Variants in SKOR1 observed in about 807,000 individuals in gnomAD.
SKOR1 encodes the protein LBX1 corepressor 1.
In SKOR1, 38 loss-of-function variants were observed where a neutral mutation model predicts 72.4. That is an observed-to-expected ratio of 0.52 (90% confidence interval 0.40 to 0.69). The LOEUF is 0.69. Among genes scored for constraint, SKOR1 ranks in the 30% least tolerant of loss-of-function variants. The probability of loss-of-function intolerance (pLI) is 0.00; values close to 1 mark genes in which losing one functional copy is unlikely to be tolerated. For missense variants in SKOR1, 1,320 were observed against 1,343.2 expected (o/e 0.98, Z 0.27); for synonymous variants, 642 against 599.4 (o/e 1.07, Z -1.04).
chr15:67,828,962 T>G (rs115373493), intron 2 of SKOR1, among the ~76,000 whole-genome samples: 1,565 of 152,326 alleles, frequency 0.01, 24 homozygotes, highest in African/African-American at 0.036. Flanking sequence ...AGCCGCTTTG[T>G]GTTTAGAGTA....
At chr15:67,828,168 AGTGGCGC>A in intron 2 of SKOR1, 24 bp downstream of exon 2, 3 of 1,420,058 alleles carry the variant, frequency 2.1e-6, no homozygotes, top group Non-Finnish European at 2.7e-6. Flanking sequence ...CCGCCCCGCC[AGTGGCGC>A]CTTCCCACCT....
chr15:67,833,801 G>A lies in SKOR1; in HGVS notation c.2863G>A (p.Gly955Ser). The change falls in exon 9 of 9, where the codon GGC becomes AGC. Residue 955 changes from glycine to serine, a missense_variant. Gly to Ser is a moderately conservative substitution (Grantham distance 56, BLOSUM62 0). Coordinates refer to ENST00000380035, the MANE Select transcript of SKOR1 (RefSeq NM_001365915.1). The surrounding 1 kb of genome is among the most constrained non-coding windows in gnomAD (Gnocchi z 6.0). ...GATGCTGACGCCCCGCCACTGCACT[G>A]GCAACTGCTCCTTCAAGCCACCGCT... ...CKMLTPRHCTGNCSFKPPLLP is the reference protein window; with the variant it reads ...CKMLTPRHCTSNCSFKPPLLP 6.2e-7 allele frequency: 1 copy of A among 1,612,688 alleles called. No homozygotes were observed. Among genetic ancestry groups the A allele is most frequent in the Non-Finnish European group, 8.5e-7 (1 of 1,180,034 alleles).
rs2091032558 is a variant in SKOR1 at position 67,834,481 on chromosome 15, T to C, written c.*645T>C. ...AAAGGGCGACAACTGACTCACGAGA[T>C]GGCAACCACCTGGAGCCTGTTTGGG... is the stretch of plus-strand genomic sequence containing the variant. On this transcript the variant is annotated 3_prime_UTR_variant, in exon 9 of 9. Coordinates refer to ENST00000380035, the MANE Select transcript of SKOR1 (RefSeq NM_001365915.1). The surrounding 1 kb of genome is among the most constrained non-coding windows in gnomAD (Gnocchi z 5.8). The C allele has an allele frequency of 6.5e-6, 1 of 153,042 alleles. No individual in the cohort carries two copies. Among genetic ancestry groups the C allele is most frequent in the Admixed American group, 6.5e-5 (1 of 15,442 alleles). The allele number at this position is 153,042 out of a possible 1,614,324, so 9.5% of individuals were successfully genotyped here. A position where few individuals can be genotyped will look rare whatever the true frequency, so the allele number is the denominator to read the frequency against.
chr15:67,827,441 G>C lies in SKOR1; in HGVS notation c.1613G>C (p.Gly538Ala). The stretch of plus-strand genomic sequence containing the variant: ...AGCGGTGCCCCAGAGCCCCTGGACG[G>C]TGCCGAGCCAGCCAAAGAGAGTGGC... ...AGSGAPEPLDGAEPAKESGLG... is the reference protein window; with the variant it reads ...AGSGAPEPLDAAEPAKESGLG... Residue 538 changes from glycine to alanine, a missense_variant, in exon 2 of 9, where the codon GGT (glycine) becomes GCT (alanine). Around this residue, in one of 3 missense-constraint regions of SKOR1, gnomAD observed 1,099 missense variants for 1,025.5 expected, o/e 1.07. Transcript: ENST00000380035. 1 of 1,523,592 alleles carries C rather than the reference G, an allele frequency of 6.6e-7. No homozygotes were observed. The highest frequency in any genetic ancestry group is 1.4e-5 in the African/African-American group (1 of 70,786). 94.4% of individuals were successfully genotyped at this position (1,523,592 alleles called of 1,614,324 possible).
chr15:67,825,577 G>A lies in SKOR1; in HGVS notation c.-26G>A. ...GGGTTGCCGAAGGCGCACGGATCTG[G>A]GCGCTGAAAAAGCCAGGATTTGGCA... On this transcript the variant is annotated 5_prime_UTR_variant, in exon 1 of 9. Coordinates refer to ENST00000380035, the MANE Select transcript of SKOR1 (RefSeq NM_001365915.1). This position sits in a 1 kb window ranked among gnomAD's most constrained non-coding sequence, Gnocchi z 5.6. 1 of 728,064 alleles carries A rather than the reference G, an allele frequency of 1.4e-6. No individual in the cohort carries two copies. The highest frequency in any genetic ancestry group is 2.6e-5 in the East Asian group (1 of 37,770). 45.1% of individuals were successfully genotyped at this position (728,064 alleles called of 1,614,324 possible).
intron 5 of SKOR1, among the ~76,000 whole-genome samples, chr15:67,831,437 C>CTT (rs1317230030): frequency 6.6e-6 from 1 of 152,196 alleles, no homozygotes; most frequent in Admixed American, 6.5e-5. Context: ...AAGGAGGAGA[C>CTT]TATGGCTTGG....
chr15:67,832,945 A>G lies in SKOR1; in HGVS notation c.2738-247A>G. The G allele has an allele frequency of 1.7e-6, 1 of 599,802 alleles. No individual in the cohort carries two copies. The highest frequency in any genetic ancestry group is 2.9e-6 in the Non-Finnish European group (1 of 339,420). The allele number at this position is 599,802 out of a possible 1,614,324, so 37.2% of individuals were successfully genotyped here. On this transcript the variant is annotated intron_variant, in intron 7 of 8. Transcript: ENST00000380035. This position sits in a 1 kb window ranked among gnomAD's most constrained non-coding sequence, Gnocchi z 4.5. ...TCTAAATTAAAAATCGAGGCGTAAA[A>G]TTACCTGGGAAGTAATGCCTAAGTT...
At position 67,833,197 on chromosome 15, in the gene SKOR1, C is replaced by T. The variant is rs1380677333; in HGVS notation, c.2743C>T (p.Leu915=). 2 of 1,613,988 alleles carry T rather than the reference C, an allele frequency of 1.2e-6. No individual in the cohort carries two copies. The highest frequency in any genetic ancestry group is 1.7e-6 in the Non-Finnish European group (2 of 1,180,022). Residue 915 remains leucine (L), a synonymous_variant, in exon 8 of 9, where the codon CTG becomes TTG. Transcript: ENST00000380035. This position sits in a 1 kb window ranked among gnomAD's most constrained non-coding sequence, Gnocchi z 6.0. ...VQQLQIVRDT[L]CNELDQERKA... is the part of the protein sequence containing the mutation. ...CCCCTCCCCTTGTCTTCCAGATACCCTGTGTAACGAACTCGACCAGGAGCG... is the reference window on the plus strand; with the variant it reads ...CCCCTCCCCTTGTCTTCCAGATACCTTGTGTAACGAACTCGACCAGGAGCG...
rs908008047 is a variant in SKOR1, at chr15:67,827,595, C to T, written c.1767C>T (p.Gly589=). Residue 589 remains glycine, a synonymous_variant, in exon 2 of 9, where the codon GGC becomes GGT. Coordinates refer to ENST00000380035, the MANE Select transcript of SKOR1 (RefSeq NM_001365915.1). ...PPPPPPPARK[G]SYVSAFRPVV... ...CGCCCCCGCCGCCCGCACGCAAAGGCTCCTACGTGTCGGCCTTCCGGCCGG... is the reference window on the plus strand; with the variant it reads ...CGCCCCCGCCGCCCGCACGCAAAGGTTCCTACGTGTCGGCCTTCCGGCCGG... 1.3e-6 allele frequency: 2 copies of T among 1,528,148 alleles called. No homozygotes were observed. The highest frequency in any genetic ancestry group is 1.2e-5 in the South Asian group (1 of 83,374). The allele number at this position is 1,528,148 out of a possible 1,614,324, so 94.7% of individuals were successfully genotyped here.
chr15:67,828,583 A>C (rs1031478194), intron 2 of SKOR1, among the ~76,000 whole-genome samples: 2 of 152,172 alleles, frequency 1.3e-5, no homozygotes, highest in Admixed American at 1.3e-4. Context: ...GTCGGGCCCC[A>C]GCAGTACCGG....
At chr15:67,830,098 A>C in intron 3 of SKOR1, 93 bp from the exon 4 acceptor site, 1 of 1,327,268 alleles carries the variant, frequency 7.5e-7, no homozygotes, top group Non-Finnish European at 1.1e-6. Context: ...GACGCTTTTA[A>C]TTAGGGCTGG....
At position 67,826,327 on chromosome 15, in the gene SKOR1, C is replaced by T. The variant is rs755945000; in HGVS notation, c.499C>T (p.Leu167=). The T allele has an allele frequency of 1.9e-6, 3 of 1,613,590 alleles. No homozygotes were observed. The highest frequency in any genetic ancestry group is 2.2e-5 in the South Asian group (2 of 91,082). The change falls in exon 2 of 9, where the codon CTG becomes TTG. Residue 167 remains leucine (L), a synonymous_variant. Coordinates refer to ENST00000380035, the MANE Select transcript of SKOR1 (RefSeq NM_001365915.1). ...GGCCGAACGCCTGTGCAAGTCGTTC[C>T]TGGGCGAGCACAAACCACCCAAGCT... The part of the protein sequence containing the change: ...REAERLCKSF[L]GEHKPPKLPE...
chr15:67,825,699 G>C lies in SKOR1; in HGVS notation c.97G>C (p.Ala33Pro), dbSNP rs1229235641. The C allele has an allele frequency of 1.3e-6, 1 of 750,776 alleles. No homozygotes were observed. Among genetic ancestry groups the C allele is most frequent in the East Asian group, 2.7e-5 (1 of 37,354 alleles). 46.5% of individuals were successfully genotyped at this position (750,776 alleles called of 1,614,324 possible). ...CGGGATTGGGTTCCTTGCAGCCCGG[G>C]CATTCCTGAGGTCTCCTTTACCCCT... ...ENGIGFLAAR[A>P]FLRSGGMEAL... Residue 33 changes from alanine (A) to proline (P), a missense_variant, in exon 1 of 9, where the codon GCA becomes CCA. Transcript: ENST00000380035. This position sits in a 1 kb window ranked among gnomAD's most constrained non-coding sequence, Gnocchi z 5.6.
At position 67,825,789 on chromosome 15, in the gene SKOR1, C is replaced by T; in HGVS notation, c.107+80C>T. 2 of 1,451,250 alleles carry T rather than the reference C, an allele frequency of 1.4e-6. No homozygotes were observed. Among genetic ancestry groups the T allele is most frequent in the Non-Finnish European group, 1.9e-6 (2 of 1,051,280 alleles). 89.9% of individuals were successfully genotyped at this position (1,451,250 alleles called of 1,614,324 possible). ...CAACATGGGTCTGAGTAACAAAAGA[C>T]GCCTGTCCAGGGGGTGAATGAGTTT... On this transcript the variant is annotated intron_variant, in intron 1 of 8. Transcript: ENST00000380035. The surrounding 1 kb of genome is among the most constrained non-coding windows in gnomAD (Gnocchi z 5.6).
chr15:67,829,718 C>T (rs116238433), intron 3 of SKOR1, among the ~76,000 whole-genome samples: 2,172 of 152,298 alleles, frequency 0.014, 53 homozygotes, highest in African/African-American at 0.05. Flanking sequence ...CCGCCCTGCA[C>T]TTGCGCGCCT....
intron 3 of SKOR1, among the ~76,000 whole-genome samples, 171 bp downstream of exon 3, chr15:67,829,440 A>G (rs2090991205): frequency 6.6e-6 from 1 of 152,252 alleles, no homozygotes; most frequent in Non-Finnish European, 1.5e-5. Flanking sequence ...ACAACTTCCA[A>G]TCTTTAGTTA....
intron 4 of SKOR1, 121 bp from the exon 5 acceptor site, chr15:67,830,697 C>T: frequency 1.1e-6 from 1 of 900,580 alleles, no homozygotes; most frequent in East Asian, 2.4e-5. Context: ...GTAACTGTCT[C>T]CTCTAAAGGC....
chr15:67,833,780 C>G lies in SKOR1; in HGVS notation c.2842C>G (p.Leu948Val), dbSNP rs773772783. ...CCTGCACCATTTCTCCTGCAAGATG[C>G]TGACGCCCCGCCACTGCACTGGCAA... Reference protein sequence around the residue: ...DALHHFSCKMLTPRHCTGNCS... With the variant: ...DALHHFSCKMVTPRHCTGNCS... Residue 948 changes from leucine to valine, a missense_variant, in exon 9 of 9, where the codon CTG becomes GTG. Leu to Val is a conservative substitution (Grantham distance 32, BLOSUM62 1). Coordinates refer to ENST00000380035, the MANE Select transcript of SKOR1 (RefSeq NM_001365915.1). This position sits in a 1 kb window ranked among gnomAD's most constrained non-coding sequence, Gnocchi z 6.0. The G allele has an allele frequency of 6.2e-7, 1 of 1,613,300 alleles. No homozygotes were observed. The highest frequency in any genetic ancestry group is 8.5e-7 in the Non-Finnish European group (1 of 1,180,038).
At position 67,825,877 on chromosome 15, in the gene SKOR1, G is replaced by A. The variant is rs569357823; in HGVS notation, c.108-59G>A. The A allele has an allele frequency of 1.4e-4, 215 of 1,509,352 alleles. No individual in the cohort carries two copies. The highest frequency in any genetic ancestry group is 1.7e-4 in the Non-Finnish European group (194 of 1,136,080). The allele number at this position is 1,509,352 out of a possible 1,614,324, so 93.5% of individuals were successfully genotyped here. A position where few individuals can be genotyped will look rare whatever the true frequency, so the allele number is the denominator to read the frequency against. ...TCGGAGCGCCCTGCTGGGCGGGCCC[G>A]AGCCTCGGCGGCGGCGCTGAAAATG... On this transcript the variant is annotated intron_variant, in intron 1 of 8. Transcript: ENST00000380035. The surrounding 1 kb of genome is among the most constrained non-coding windows in gnomAD (Gnocchi z 5.6).
Sources: gnomAD v4.1 joint callset for allele counts (sites outside exome capture counted in the v4.1 genomes callset) on GRCh38, gnomAD v4.1.1 for gene constraint, gnomAD v4.1.1 regional missense constraint, Gnocchi (gnomAD v3.1) non-coding constraint, MANE v1.5 for transcripts, NCBI Gene and HGNC (gene_info 2026-07-23, HGNC 2026-07-21) for gene names.